The following EIPR1 variants were observed in gnomAD, a reference collection of about 807,000 sequenced individuals.
The protein encoded by EIPR1 is EARP complex and GARP complex interacting protein 1, also known as EARP and GARP complex-interacting protein 1.
In EIPR1, 25 loss-of-function variants were observed where a neutral mutation model predicts 48.1. The ratio of observed to expected loss-of-function variants is 0.52; its 90% confidence interval spans 0.38 to 0.73. The LOEUF (loss-of-function observed/expected upper bound fraction) is 0.73, where lower values mean the gene tolerates loss of function less well. Ranked by LOEUF, EIPR1 falls within the 30% of genes least tolerant of loss-of-function variation. EIPR1 has a pLI of 0.00. For missense variants in EIPR1, 415 were observed against 506.2 expected (o/e 0.82, Z 1.73); for synonymous variants, 204 against 201.9 (o/e 1.01, Z -0.09).
chr2:3,306,155 GTCA>G (rs1668937419), intron 3 of EIPR1, among the ~76,000 whole-genome samples: 1 of 152,222 alleles, frequency 6.6e-6, no homozygotes. Flanking sequence ...GAGGCCCGAA[GTCA>G]TCATTTCGTC....
intron 4 of EIPR1, 41 bp downstream of exon 4, chr2:3,257,258 T>G: frequency 6.3e-7 from 1 of 1,584,346 alleles, no homozygotes; most frequent in South Asian, 1.1e-5. Context: ...CTGGCCAACC[T>G]GCAGGCTCGT....
intron 3 of EIPR1, among the ~76,000 whole-genome samples, chr2:3,278,710 C>G (rs546773229): frequency 6.6e-6 from 1 of 152,128 alleles, no homozygotes; most frequent in Non-Finnish European, 1.5e-5. Context: ...TCAGCGAGGT[C>G]GGCCCACCTC....
intron 4 of EIPR1, among the ~76,000 whole-genome samples, chr2:3,214,606 G>T (rs1047881093): frequency 6.6e-6 from 1 of 152,184 alleles, no homozygotes. Flanking sequence ...CATCGTCAGA[G>T]CCAGCCTAAC....
chr2:3,248,144 T>C (rs1053088006), intron 4 of EIPR1, among the ~76,000 whole-genome samples: 3 of 152,056 alleles, frequency 2.0e-5, no homozygotes, highest in African/African-American at 4.8e-5. Flanking sequence ...ATACACAATC[T>C]GGATGTTTAA....
chr2:3,266,843 C>A (rs545501937), intron 3 of EIPR1, among the ~76,000 whole-genome samples: 29 of 152,352 alleles, frequency 1.9e-4, no homozygotes, highest in Middle Eastern at 3.4e-3. Flanking sequence ...ACTCCACATG[C>A]CAGAAAGGCT....
chr2:3,235,448 GCA>G (rs1172210710), intron 4 of EIPR1, among the ~76,000 whole-genome samples: 2 of 26,836 alleles, frequency 7.5e-5, no homozygotes, highest in African/African-American at 1.3e-4. Context: ...ACGCGTGCGC[GCA>G]CACACACACA....
At chr2:3,326,250 T>G (rs948397290) in intron 3 of EIPR1, among the ~76,000 whole-genome samples, 1 of 152,214 alleles carries the variant, frequency 6.6e-6, no homozygotes, top group Non-Finnish European at 1.5e-5. Flanking sequence ...GTTTTCTCAT[T>G]ATTTAACAGC....
At chr2:3,332,288 G>T (rs543215067) in intron 3 of EIPR1, among the ~76,000 whole-genome samples, 4 of 152,230 alleles carry the variant, frequency 2.6e-5, no homozygotes, top group South Asian at 2.1e-4. Flanking sequence ...AAAGGTCAAG[G>T]CCTGCTGGCA....
chr2:3,257,213 G>T, intron 4 of EIPR1, 86 bp downstream of exon 4: 1 of 1,428,394 alleles, frequency 7.0e-7, no homozygotes, highest in African/African-American at 1.4e-5. Flanking sequence ...TGTGGACGGT[G>T]GCTCCTGCAA....
chr2:3,242,851 T>C (rs966659813), intron 4 of EIPR1, among the ~76,000 whole-genome samples: 4 of 152,212 alleles, frequency 2.6e-5, no homozygotes, highest in Non-Finnish European at 4.4e-5. Context: ...AATTTCTTCC[T>C]GCTTGCAAAG....
intron 3 of EIPR1, among the ~76,000 whole-genome samples, chr2:3,291,531 T>A (rs1668366062): frequency 6.6e-6 from 1 of 152,206 alleles, no homozygotes. Context: ...AAAAACGTCA[T>A]AATTTAAAAG....
In EIPR1 at chr2:3,198,141, G is replaced by C. The variant is rs765390503; in HGVS notation, c.517-1124C>G. Among the ~76,000 whole-genome samples the C allele has an allele frequency of 7.3e-5, 11 of 151,560 alleles. No homozygotes were observed. The East Asian group carries it at 1.9e-3, about 26-fold the overall frequency. ...AAACCACCACTCAGAACAGAAAGAC[G>C]GGCAGTTCCCAGTGAGAAATAGGGC... On this transcript the variant is annotated intron_variant, in intron 5 of 8. Coordinates refer to ENST00000382125, the MANE Select transcript of EIPR1 (RefSeq NM_003310.5).
At chr2:3,313,554 G>T (rs1482333904) in intron 3 of EIPR1, among the ~76,000 whole-genome samples, 3 of 152,148 alleles carry the variant, frequency 2.0e-5, no homozygotes, top group Non-Finnish European at 4.4e-5. Flanking sequence ...GGACATAAAC[G>T]GGCTTCGAGA....
chr2:3,322,149 C>A (rs1333312620), intron 3 of EIPR1, among the ~76,000 whole-genome samples: 2 of 152,192 alleles, frequency 1.3e-5, no homozygotes, highest in African/African-American at 4.8e-5. Flanking sequence ...GCACGGTCCT[C>A]CCCTGGCAGG....
Position 3,226,863 on chromosome 2 carries a change from C to A in EIPR1, c.417-12615G>T, listed in dbSNP as rs1231498340. 4.6e-5 allele frequency among the ~76,000 whole-genome samples: 7 copies of A among 152,306 alleles called. No individual in the cohort carries two copies. In the Middle Eastern group the frequency reaches 0.01, roughly 222 times the overall value. ...CAAGATCTGATGGTTTTATAAAGGG[C>A]AGTTCCCCTGCACATGCTCTCTTGC... On this transcript the variant is annotated intron_variant, in intron 4 of 8. Coordinates refer to ENST00000382125, the MANE Select transcript of EIPR1 (RefSeq NM_003310.5).
At chr2:3,347,432 G>A (rs1023584692) in intron 2 of EIPR1, among the ~76,000 whole-genome samples, 1 of 152,170 alleles carries the variant, frequency 6.6e-6, no homozygotes, top group African/African-American at 2.4e-5. Flanking sequence ...GTTTTATAAG[G>A]TGGAGTTTCC....
intron 1 of EIPR1, among the ~76,000 whole-genome samples, chr2:3,369,948 G>C (rs147334013): frequency 0.16 from 24,532 of 152,066 alleles, 2,216 homozygotes; most frequent in Non-Finnish European, 0.2. Flanking sequence ...GTGGGTCCTT[G>C]ACCCCTGACC....
chr2:3,208,758 C>T lies in EIPR1; in HGVS notation c.516+5391G>A, dbSNP rs748428222. ...TGGCGGGTCCTTCTGTGAGTGAGGC[C>T]CGTGGCGAGTCCTTCTTCCTTGAGT... On this transcript the variant is annotated intron_variant, in intron 5 of 8. Coordinates refer to ENST00000382125, the MANE Select transcript of EIPR1 (RefSeq NM_003310.5). 1.4e-5 allele frequency: 22 copies of T among 1,547,818 alleles called. No individual in the cohort carries two copies. In the African/African-American group the frequency reaches 2.3e-4, roughly 16 times the overall value.
chr2:3,267,242 G>C (rs926836303), intron 3 of EIPR1, among the ~76,000 whole-genome samples: 1 of 152,230 alleles, frequency 6.6e-6, no homozygotes, highest in African/African-American at 2.4e-5. Context: ...CTCACTCCAT[G>C]GCTACAGAGC....
Sources: gnomAD v4.1 joint callset for allele counts (sites outside exome capture counted in the v4.1 genomes callset) on GRCh38, gnomAD v4.1.1 for gene constraint, MANE v1.5 for transcripts, NCBI Gene and HGNC (gene_info 2026-07-23, HGNC 2026-07-21) for gene names.